Variants in PEX7 observed in about 807,000 individuals in gnomAD.
PEX7 encodes peroxisomal biogenesis factor 7.
Under a neutral mutation model 47.5 loss-of-function variants are expected in PEX7, and 34 were observed. The observed-to-expected ratio is 0.72, with a 90% CI of 0.54 to 0.95. The LOEUF (loss-of-function observed/expected upper bound fraction) is 0.95. PEX7 is among the 40% of genes least tolerant of loss of function. The pLI is 0.00. For synonymous variants in PEX7, 141 were observed against 148.8 expected (o/e 0.95, Z 0.38); for missense variants, 394 against 400.3 (o/e 0.98, Z 0.13).
intron 3 of PEX7, among the ~76,000 whole-genome samples, chr6:136,845,237 C>T (rs1023172374): frequency 6.6e-6 from 1 of 152,156 alleles, no homozygotes; most frequent in Non-Finnish European, 1.5e-5. Context: ...TAATGCTTTC[C>T]AATAAACATT....
At chr6:136,894,848 G>C (rs555516642) in intron 8 of PEX7, among the ~76,000 whole-genome samples, 5 of 152,178 alleles carry the variant, frequency 3.3e-5, no homozygotes, top group Admixed American at 2.6e-4. Flanking sequence ...AGACAAAAAG[G>C]CACCAAGTAG....
Position 136,913,609 on chromosome 6 carries a change from C to T in PEX7, c.*83C>T. ...ATAAATTAACTATGGAAAACATAGACATTATGCTTTTATATGCTATTCAGA... is the reference window on the plus strand; with the variant it reads ...ATAAATTAACTATGGAAAACATAGATATTATGCTTTTATATGCTATTCAGA... On this transcript the variant is annotated 3_prime_UTR_variant, in exon 10 of 10. Coordinates refer to ENST00000318471, the MANE Select transcript of PEX7 (RefSeq NM_000288.4). 1.1e-6 allele frequency: 1 copy of T among 933,488 alleles called. No homozygotes were observed. Among genetic ancestry groups the T allele is most frequent in the African/African-American group, 1.6e-5 (1 of 61,888 alleles). The allele number at this position is 933,488 out of a possible 1,614,324, so 57.8% of individuals were successfully genotyped here.
intron 8 of PEX7, among the ~76,000 whole-genome samples, chr6:136,890,230 C>T (rs768156132): frequency 1.3e-5 from 2 of 152,206 alleles, no homozygotes; most frequent in Non-Finnish European, 2.9e-5. Context: ...AGCAGAGTCC[C>T]TTATCTTTCT....
In PEX7 at chr6:136,885,673, A is replaced by G. The variant is rs544722064; in HGVS notation, c.804-12469A>G. On this transcript the variant is annotated intron_variant, in intron 8 of 9. Transcript: ENST00000318471. ...ATGATAAAAATGAAGGCTTGGAGACAAGTAGTAACACACCTAGGAGAACCC... is the reference window on the plus strand; with the variant it reads ...ATGATAAAAATGAAGGCTTGGAGACGAGTAGTAACACACCTAGGAGAACCC... Among the ~76,000 whole-genome samples the G allele has an allele frequency of 5.3e-5, 8 of 152,346 alleles. No homozygotes were observed. In the South Asian group the frequency reaches 1.7e-3, roughly 32 times the overall value.
At chr6:136,838,024 T>C (rs557249564) in intron 3 of PEX7, among the ~76,000 whole-genome samples, 1 of 152,346 alleles carries the variant, frequency 6.6e-6, no homozygotes, top group East Asian at 1.9e-4. Flanking sequence ...TATAAAATAG[T>C]TGATAAGAAA....
chr6:136,837,286 T>C (rs918795250), intron 3 of PEX7, among the ~76,000 whole-genome samples: 1 of 139,338 alleles, frequency 7.2e-6, no homozygotes, highest in Non-Finnish European at 1.5e-5. Context: ...GGCGTGAACC[T>C]GGGAGGTGGA....
chr6:136,851,790 AAAT>A, intron 5 of PEX7, among the ~76,000 whole-genome samples: 1 of 11,502 alleles, frequency 8.7e-5, no homozygotes, highest in South Asian at 2.1e-3. Context: ...TTGGCTGCAT[AAAT>A]GTCTTCTTTT....
At chr6:136,825,357 T>C in intron 2 of PEX7, 86 bp downstream of exon 2, 1 of 1,110,626 alleles carries the variant, frequency 9.0e-7, no homozygotes, top group South Asian at 1.3e-5. Flanking sequence ...ATTAATGTTT[T>C]AATATACAGT....
At chr6:136,848,209 T>C (rs1481514626) in intron 5 of PEX7, among the ~76,000 whole-genome samples, 2 of 152,220 alleles carry the variant, frequency 1.3e-5, no homozygotes, top group African/African-American at 4.8e-5. Flanking sequence ...TCCTGAGACT[T>C]TGCTGAAGCT....
intron 8 of PEX7, among the ~76,000 whole-genome samples, chr6:136,873,765 ATGTTT>A: frequency 6.6e-6 from 1 of 152,148 alleles, no homozygotes; most frequent in Non-Finnish European, 1.5e-5. Context: ...CAAATTATAT[ATGTTT>A]ACTTGTTTGT....
At chr6:136,863,709 AC>A (rs1775007084) in intron 5 of PEX7, among the ~76,000 whole-genome samples, 1 of 152,072 alleles carries the variant, frequency 6.6e-6, no homozygotes, top group Admixed American at 6.6e-5. Context: ...GGAGCTGGAA[AC>A]CAGCCTGGAC....
At chr6:136,884,791 A>G (rs1260369375) in intron 8 of PEX7, among the ~76,000 whole-genome samples, 1 of 152,198 alleles carries the variant, frequency 6.6e-6, no homozygotes. Context: ...AAAAACTTCA[A>G]CTTTTATGAA....
intron 8 of PEX7, among the ~76,000 whole-genome samples, chr6:136,897,487 T>C (rs1775672156): frequency 6.6e-6 from 1 of 152,182 alleles, no homozygotes; most frequent in Non-Finnish European, 1.5e-5. Flanking sequence ...TCTATGGAGG[T>C]TAAGTAGAAT....
At chr6:136,837,684 G>A (rs1439792149) in intron 3 of PEX7, among the ~76,000 whole-genome samples, 2 of 152,114 alleles carry the variant, frequency 1.3e-5, no homozygotes, top group East Asian at 1.9e-4. Flanking sequence ...GTGTCAGAAA[G>A]CAGGAAAGCT....
intron 9 of PEX7, among the ~76,000 whole-genome samples, chr6:136,904,867 T>A (rs1007099588): frequency 6.6e-6 from 1 of 152,200 alleles, no homozygotes; most frequent in African/African-American, 2.4e-5. Context: ...CTTTCATTCC[T>A]GAATCACTCA....
At chr6:136,830,091 T>C in intron 3 of PEX7, 1 of 703,968 alleles carries the variant, frequency 1.4e-6, no homozygotes, top group Non-Finnish European at 2.6e-6. Flanking sequence ...AATAAAGACG[T>C]ATAGCATGGT....
intron 5 of PEX7, among the ~76,000 whole-genome samples, chr6:136,848,967 A>G (rs1226724220): frequency 1.3e-5 from 2 of 152,050 alleles, no homozygotes; most frequent in African/African-American, 4.8e-5. Context: ...TTCGGCTGTG[A>G]ATCTGTCTGG....
At chr6:136,831,308 G>A (rs375549826) in intron 3 of PEX7, among the ~76,000 whole-genome samples, 21 of 152,282 alleles carry the variant, frequency 1.4e-4, no homozygotes, top group African/African-American at 4.8e-4. Flanking sequence ...AAAGCCATCA[G>A]ATCTTTTGAG....
intron 8 of PEX7, among the ~76,000 whole-genome samples, chr6:136,882,716 C>T (rs1344218795): frequency 3.9e-5 from 6 of 152,056 alleles, no homozygotes; most frequent in African/African-American, 7.2e-5. Flanking sequence ...CAGGACTTTA[C>T]GCCGTGAAGT....
Sources: allele counts gnomAD v4.1 joint callset (sites outside exome capture counted in the v4.1 genomes callset), GRCh38; gene constraint gnomAD v4.1.1; transcripts MANE v1.5; gene names NCBI Gene and HGNC (gene_info 2026-07-23, HGNC 2026-07-21).